LRP1B: variants seen among roughly 807,000 people sequenced by gnomAD.
The protein encoded by LRP1B is LDL receptor related protein 1B, also known as low-density lipoprotein receptor-related protein 1B.
A neutral mutation model predicts 556.6 loss-of-function variants in LRP1B; 217 were observed. The ratio of observed to expected loss-of-function variants is 0.39; its 90% CI spans 0.35 to 0.44. The LOEUF is 0.44. Among genes scored for constraint, LRP1B ranks in the 20% least tolerant of loss-of-function variants. The pLI is 1.00. For missense variants in LRP1B, 5,053 were observed against 5,620.8 expected, an observed-to-expected ratio of 0.90 and a Z score of 3.23; for synonymous variants, 2,047 against 1,865.8, an observed-to-expected ratio of 1.10 and a Z score of -2.50.
Position 141,685,111 on chromosome 2 carries a change from GT to G in LRP1B, c.205+125167del, listed in dbSNP as rs1278718325. Among the ~76,000 whole-genome samples the G allele has an allele frequency of 6.6e-5, 10 of 151,868 alleles. No homozygotes were observed. The East Asian group carries it at 1.6e-3, about 24-fold the overall frequency. The stretch of plus-strand genomic sequence containing the variant: ...ATAACTCCTTTTTCTTTTTCCTTTT[GT>G]TTTCTTCCTCCTTTTCTTCTTTTTA... On this transcript the variant is annotated intron_variant, in intron 2 of 90. Transcript: ENST00000389484.
chr2:141,161,346 C>T (rs1047929550), intron 7 of LRP1B, among the ~76,000 whole-genome samples: 2 of 151,992 alleles, frequency 1.3e-5, no homozygotes, highest in Non-Finnish European at 2.9e-5. Flanking sequence ...AAACGATGAG[C>T]AAAAAGTAAA....
intron 3 of LRP1B, among the ~76,000 whole-genome samples, chr2:141,364,826 C>T (rs1688958617): frequency 6.6e-6 from 1 of 152,120 alleles, no homozygotes. Flanking sequence ...GTTCTAACTT[C>T]AAATAAAATA....
At chr2:141,959,705 A>C (rs1318246298) in intron 1 of LRP1B, among the ~76,000 whole-genome samples, 2 of 151,968 alleles carry the variant, frequency 1.3e-5, no homozygotes, top group Non-Finnish European at 2.9e-5. Flanking sequence ...AGATTTAAAT[A>C]TTATTCATGA....
chr2:141,236,590 G>A (rs1021717286), intron 5 of LRP1B, among the ~76,000 whole-genome samples: 1 of 152,046 alleles, frequency 6.6e-6, no homozygotes, highest in Non-Finnish European at 1.5e-5. Context: ...AAATGTTCTT[G>A]CTTTTACTTT....
intron 1 of LRP1B, among the ~76,000 whole-genome samples, chr2:141,966,971 C>A (rs759749494): frequency 9.9e-5 from 15 of 151,852 alleles, no homozygotes; most frequent in Admixed American, 4.6e-4. Flanking sequence ...TAAGTCAAGT[C>A]TATAACGTCC....
At chr2:141,150,071 G>A (rs1701883030) in intron 7 of LRP1B, among the ~76,000 whole-genome samples, 1 of 152,156 alleles carries the variant, frequency 6.6e-6, no homozygotes, top group South Asian at 2.1e-4. Flanking sequence ...GTGGGAGGGA[G>A]GAGCAGTGGT....
intron 70 of LRP1B, 45 bp downstream of exon 70, chr2:140,371,134 C>A (rs767569556): frequency 7.8e-7 from 1 of 1,281,790 alleles, no homozygotes; most frequent in Non-Finnish European, 1.1e-6. Flanking sequence ...TTGCCCAAAC[C>A]TAATTCATGT....
intron 7 of LRP1B, among the ~76,000 whole-genome samples, chr2:141,132,041 G>GT (rs1283089647): frequency 6.6e-6 from 1 of 151,918 alleles, no homozygotes; most frequent in Non-Finnish European, 1.5e-5. Flanking sequence ...TCATGCCTTT[G>GT]TATCCTCATG....
intron 3 of LRP1B, among the ~76,000 whole-genome samples, chr2:141,470,478 T>C (rs535402598): frequency 1.6e-3 from 238 of 152,336 alleles, no homozygotes; most frequent in Middle Eastern, 3.4e-3. Flanking sequence ...GTTGAAATTC[T>C]ACAAGCCATC....
chr2:140,303,332 C>A (rs971141031), intron 83 of LRP1B, among the ~76,000 whole-genome samples: 1 of 151,972 alleles, frequency 6.6e-6, no homozygotes, highest in Admixed American at 6.6e-5. Context: ...ACTGCAACCT[C>A]CGCCTCCCGG....
At chr2:140,329,012 G>T (rs1427589852) in intron 79 of LRP1B, among the ~76,000 whole-genome samples, 6 of 152,052 alleles carry the variant, frequency 3.9e-5, no homozygotes, top group Non-Finnish European at 8.8e-5. Flanking sequence ...AGAAATTGCT[G>T]CAATCTGGGG....
At chr2:140,913,455 C>A (rs1694483343) in intron 21 of LRP1B, among the ~76,000 whole-genome samples, 1 of 151,704 alleles carries the variant, frequency 6.6e-6, no homozygotes, top group Non-Finnish European at 1.5e-5. Context: ...TTTTGAACAG[C>A]GTTTTGAAGG....
chr2:141,143,298 C>T (rs1252060179), intron 7 of LRP1B, among the ~76,000 whole-genome samples: 2 of 152,008 alleles, frequency 1.3e-5, no homozygotes, highest in Non-Finnish European at 1.5e-5. Context: ...CTGAGTTCGT[C>T]CTGTTTATGT....
In LRP1B at chr2:141,808,900, T is replaced by A. The variant is rs975382957; in HGVS notation, c.205+1379A>T. Among the ~76,000 whole-genome samples, 48 of 152,138 alleles carry A rather than the reference T, an allele frequency of 3.2e-4. 1 individual carries two copies. The highest frequency in any genetic ancestry group is 8.8e-5 in the Non-Finnish European group (6 of 68,018). On this transcript the variant is annotated intron_variant, in intron 2 of 90. Transcript: ENST00000389484. ...CCCCTTAGCGTGTTTTCCAGGTTCA[T>A]CCATGTTGTAGCATGTAGGAGTACT...
intron 20 of LRP1B, among the ~76,000 whole-genome samples, chr2:140,924,119 T>C (rs1002535448): frequency 3.3e-5 from 5 of 152,092 alleles, no homozygotes; most frequent in African/African-American, 9.6e-5. Flanking sequence ...ATAGCAGCAA[T>C]TGATATATAT....
At chr2:140,411,617 T>C (rs1250757742) in intron 66 of LRP1B, among the ~76,000 whole-genome samples, 2 of 152,032 alleles carry the variant, frequency 1.3e-5, no homozygotes, top group Non-Finnish European at 2.9e-5. Flanking sequence ...AAAACCGCAA[T>C]TAGGCAAAGG....
chr2:140,629,966 G>C (rs1006273836), intron 41 of LRP1B, among the ~76,000 whole-genome samples: 66 of 152,220 alleles, frequency 4.3e-4, no homozygotes, highest in Non-Finnish European at 1.0e-4. Context: ...AAATATGGAT[G>C]ATTTCAACAT....
At chr2:140,493,331 C>A (rs917521190) in intron 56 of LRP1B, among the ~76,000 whole-genome samples, 4 of 152,046 alleles carry the variant, frequency 2.6e-5, no homozygotes, top group African/African-American at 9.7e-5. Flanking sequence ...ACTTTAGAAT[C>A]TGGGAAAGAG....
At chr2:141,270,530 C>T (rs1685049938) in intron 3 of LRP1B, among the ~76,000 whole-genome samples, 1 of 152,016 alleles carries the variant, frequency 6.6e-6, no homozygotes, top group Non-Finnish European at 1.5e-5. Flanking sequence ...ACAAATTCAC[C>T]ACCCAAATGT....
Sources: allele counts gnomAD v4.1 joint callset (sites outside exome capture counted in the v4.1 genomes callset), GRCh38; gene constraint gnomAD v4.1.1; transcripts MANE v1.5; gene names NCBI Gene and HGNC (gene_info 2026-07-23, HGNC 2026-07-21).